The following COL23A1 variants were observed in gnomAD, a reference collection of about 807,000 sequenced individuals.
COL23A1 encodes collagen type XXIII alpha 1 chain, also known as collagen alpha-1(XXIII) chain.
A neutral mutation model predicts 99.3 loss-of-function variants in COL23A1; 97 were observed. The observed-to-expected ratio is 0.98, with a 90% confidence interval of 0.83 to 1.16. The LOEUF is 1.16. COL23A1 is among the 50% of genes most tolerant of loss of function. The pLI, the probability that COL23A1 is intolerant of heterozygous loss-of-function variation, is 0.00. For synonymous variants in COL23A1, 320 were observed against 308.2 expected (o/e 1.04, Z -0.40); for missense variants, 762 against 757.4 (o/e 1.01, Z -0.07).
chr5:178,290,657 T>C (rs971868651), intron 3 of COL23A1, among the ~76,000 whole-genome samples: 1 of 152,216 alleles, frequency 6.6e-6, no homozygotes, highest in African/African-American at 2.4e-5. Flanking sequence ...GTTCTGGCAC[T>C]GAGTAGGAAT....
At chr5:178,241,283 C>T (rs1044540196) in intron 27 of COL23A1, among the ~76,000 whole-genome samples, 2 of 151,946 alleles carry the variant, frequency 1.3e-5, no homozygotes, top group Non-Finnish European at 2.9e-5. Flanking sequence ...GTGCCTGAAA[C>T]CACTGGGGCT....
chr5:178,512,693 A>C (rs951022779), intron 2 of COL23A1, among the ~76,000 whole-genome samples: 1 of 152,150 alleles, frequency 6.6e-6, no homozygotes, highest in Non-Finnish European at 1.5e-5. Context: ...TGCAGAAGAG[A>C]ATGACTTCCA....
chr5:178,295,817 G>C (rs1757708886), intron 3 of COL23A1, among the ~76,000 whole-genome samples: 1 of 152,248 alleles, frequency 6.6e-6, no homozygotes, highest in South Asian at 2.1e-4. Flanking sequence ...TTCTGATATG[G>C]AACTATCTCC....
intron 2 of COL23A1, among the ~76,000 whole-genome samples, chr5:178,469,461 C>T (rs1756620752): frequency 1.3e-5 from 2 of 152,286 alleles, no homozygotes; most frequent in African/African-American, 2.4e-5. Context: ...CCATCACACA[C>T]ACATGCTGAA....
At chr5:178,374,775 C>T (rs1031513171) in intron 2 of COL23A1, among the ~76,000 whole-genome samples, 1 of 152,126 alleles carries the variant, frequency 6.6e-6, no homozygotes, top group Admixed American at 6.5e-5. Context: ...CTGGTGGGAA[C>T]GTGAAATGGT....
chr5:178,516,486 C>T (rs1304844026), intron 2 of COL23A1, among the ~76,000 whole-genome samples: 3 of 152,240 alleles, frequency 2.0e-5, no homozygotes, highest in Non-Finnish European at 4.4e-5. Context: ...TGTGCCTCCT[C>T]CCCTCCTCTC....
intron 2 of COL23A1, among the ~76,000 whole-genome samples, chr5:178,492,021 C>T (rs1366260510): frequency 6.6e-6 from 1 of 152,186 alleles, no homozygotes; most frequent in African/African-American, 2.4e-5. Flanking sequence ...AGGCATGAGC[C>T]ACCACACCAG....
At chr5:178,440,684 C>T (rs1334405775) in intron 2 of COL23A1, among the ~76,000 whole-genome samples, 3 of 146,462 alleles carry the variant, frequency 2.0e-5, no homozygotes, top group African/African-American at 2.6e-5. Context: ...GGTGAGATCT[C>T]GGCTCACTGT....
At chr5:178,424,011 T>G (rs1235428094) in intron 2 of COL23A1, among the ~76,000 whole-genome samples, 1 of 152,184 alleles carries the variant, frequency 6.6e-6, no homozygotes, top group Admixed American at 6.5e-5. Context: ...AAGAATTAAG[T>G]GACTTTCTCA....
chr5:178,570,762 A>T (rs1375823636), intron 1 of COL23A1, among the ~76,000 whole-genome samples: 1 of 151,874 alleles, frequency 6.6e-6, no homozygotes, highest in Non-Finnish European at 1.5e-5. Context: ...TGGAGGGGGG[A>T]CGCGGGTGGT....
intron 2 of COL23A1, among the ~76,000 whole-genome samples, chr5:178,474,292 T>C (rs909919174): frequency 6.6e-6 from 1 of 152,234 alleles, no homozygotes; most frequent in Non-Finnish European, 1.5e-5. Context: ...TCTTCTTTCC[T>C]TGTTTTCAGT....
At chr5:178,446,786 A>C (rs923043945) in intron 2 of COL23A1, among the ~76,000 whole-genome samples, 1 of 152,124 alleles carries the variant, frequency 6.6e-6, no homozygotes, top group African/African-American at 2.4e-5. Context: ...TGTTCACTGC[A>C]ATACTGCTTG....
At chr5:178,253,761 G>A (rs1039965416) in intron 16 of COL23A1, among the ~76,000 whole-genome samples, 4 of 152,038 alleles carry the variant, frequency 2.6e-5, no homozygotes, top group African/African-American at 4.8e-5. Flanking sequence ...GATCACAGGC[G>A]GGAGCCGCCG....
At chr5:178,568,731 G>A (rs1162698726) in intron 1 of COL23A1, among the ~76,000 whole-genome samples, 3 of 152,228 alleles carry the variant, frequency 2.0e-5, no homozygotes, top group African/African-American at 7.2e-5. Flanking sequence ...TCAGCATGAT[G>A]TGTTTGAGAC....
At chr5:178,357,832 A>ATG (rs200338482) in intron 2 of COL23A1, among the ~76,000 whole-genome samples, 6 of 138,850 alleles carry the variant, frequency 4.3e-5, no homozygotes, top group South Asian at 2.3e-4. Context: ...GTTTATGTGT[A>ATG]TGTGTGTGTA....
chr5:178,561,444 C>A (rs1471418404), intron 1 of COL23A1, among the ~76,000 whole-genome samples: 1 of 152,178 alleles, frequency 6.6e-6, no homozygotes, highest in Non-Finnish European at 1.5e-5. Context: ...GCACAGCTCC[C>A]CTACAATGCA....
Position 178,246,275 on chromosome 5 carries a change from C to A in COL23A1, c.1392G>T (p.Leu464=), listed in dbSNP as rs1251787817. 4.5e-6 allele frequency: 7 copies of A among 1,554,784 alleles called. No individual in the cohort carries two copies. Among genetic ancestry groups the A allele is most frequent in the East Asian group, 2.4e-5 (1 of 41,488 alleles). The change falls in exon 24 of 29, where the codon CTG becomes CTT. Residue 464 remains leucine, a synonymous_variant. Coordinates refer to ENST00000390654, the MANE Select transcript of COL23A1 (RefSeq NM_173465.4). ...TTACCTTCTCTCCTTTGGTTCCTGG[C>A]AGCCCAATAAGGCCCGGTGGGCCAA... The part of the protein sequence containing the change: ...GPVGPPGLIG[L]PGTKGEKGRP...
intron 2 of COL23A1, among the ~76,000 whole-genome samples, chr5:178,474,541 A>G (rs1239365128): frequency 3.3e-5 from 5 of 151,968 alleles, no homozygotes; most frequent in Admixed American, 6.6e-5. Context: ...AAAAATTTGT[A>G]TTGAAACAAA....
In COL23A1 at chr5:178,313,033, C is replaced by T. The variant is rs968235544; in HGVS notation, c.362-6114G>A. Among the ~76,000 whole-genome samples the T allele has an allele frequency of 9.9e-5, 15 of 152,128 alleles. No individual in the cohort carries two copies. The highest frequency in any genetic ancestry group is 1.8e-4 in the Non-Finnish European group (12 of 68,018). Reference sequence around the variant, plus strand: ...AGCCCTGGAGAGGAAGGAGTTCCTGCGCACGCTGCAGCATGATGGGCCTGG... The same window carrying T: ...AGCCCTGGAGAGGAAGGAGTTCCTGTGCACGCTGCAGCATGATGGGCCTGG... On this transcript the variant is annotated intron_variant, in intron 2 of 28. Coordinates refer to ENST00000390654, the MANE Select transcript of COL23A1 (RefSeq NM_173465.4). This position sits in a 1 kb window ranked among gnomAD's most constrained non-coding sequence, Gnocchi z 4.2.
Sources: allele counts gnomAD v4.1 joint callset (sites outside exome capture counted in the v4.1 genomes callset), GRCh38; gene constraint gnomAD v4.1.1; non-coding constraint Gnocchi (gnomAD v3.1); transcripts MANE v1.5; gene names NCBI Gene and HGNC (gene_info 2026-07-23, HGNC 2026-07-21).